Variants in CSMD1 observed in about 807,000 individuals in gnomAD.
CSMD1 encodes CUB and sushi domain-containing protein 1.
In CSMD1, 213 loss-of-function variants were observed where a neutral mutation model predicts 417.5. That is an observed-to-expected ratio of 0.51 (90% confidence interval 0.46 to 0.57). CSMD1 has a LOEUF of 0.57. Among genes scored for constraint, CSMD1 ranks in the 20% least tolerant of loss-of-function variants. CSMD1 has a pLI of 0.00. For synonymous variants in CSMD1, 2,862 were observed against 1,736.8 expected, an observed-to-expected ratio of 1.65 and a Z score of -16.11; for missense variants, 6,923 against 4,529.7, an observed-to-expected ratio of 1.53 and a Z score of -15.17.
chr8:3,993,221 A>C (rs138459057), intron 5 of CSMD1, among the ~76,000 whole-genome samples: 181 of 152,300 alleles, frequency 1.2e-3, no homozygotes, highest in Non-Finnish European at 2.1e-3. Context: ...AGTGCTGCAA[A>C]TTTTCTGTAA....
intron 1 of CSMD1, among the ~76,000 whole-genome samples, chr8:4,788,809 T>C (rs923474796): frequency 1.3e-5 from 2 of 152,206 alleles, no homozygotes; most frequent in Admixed American, 6.5e-5. Flanking sequence ...TGACATCTGC[T>C]TTTGAAACAT....
At chr8:3,594,531 A>T (rs754969975) in intron 8 of CSMD1, among the ~76,000 whole-genome samples, 10 of 152,158 alleles carry the variant, frequency 6.6e-5, no homozygotes. Flanking sequence ...TTGTCCAGGA[A>T]TGTTTTTCAA....
chr8:4,581,759 C>T (rs1373207233), intron 2 of CSMD1, among the ~76,000 whole-genome samples: 1 of 152,180 alleles, frequency 6.6e-6, no homozygotes, highest in Non-Finnish European at 1.5e-5. Context: ...ACCAACAAGA[C>T]CATCTTGGCA....
intron 1 of CSMD1, among the ~76,000 whole-genome samples, chr8:4,900,039 G>A (rs570472434): frequency 3.3e-5 from 5 of 152,148 alleles, no homozygotes; most frequent in South Asian, 4.2e-4. Flanking sequence ...CTCAAAATAC[G>A]ACGTTTTTGC....
intron 26 of CSMD1, among the ~76,000 whole-genome samples, chr8:3,260,173 G>GA (rs1400077883): frequency 2.0e-5 from 3 of 152,068 alleles, no homozygotes; most frequent in African/African-American, 7.2e-5. Context: ...TAAGCAAATT[G>GA]AAAAAGTGCT....
chr8:3,611,400 T>C (rs1178950779), intron 8 of CSMD1, among the ~76,000 whole-genome samples: 1 of 152,204 alleles, frequency 6.6e-6, no homozygotes, highest in African/African-American at 2.4e-5. Context: ...GAGTTTTGAG[T>C]TGAGCTGGCT....
chr8:3,106,901 G>A (rs765063572), intron 45 of CSMD1: 4 of 324,718 alleles, frequency 1.2e-5, no homozygotes, highest in Non-Finnish European at 2.2e-5. Flanking sequence ...ATCCGTGTTG[G>A]TTTCCCTTCC....
chr8:3,815,905 A>C (rs1801343135), intron 5 of CSMD1, among the ~76,000 whole-genome samples: 1 of 152,194 alleles, frequency 6.6e-6, no homozygotes, highest in Non-Finnish European at 1.5e-5. Context: ...ATCAAGAGTA[A>C]ATAGAAAGAG....
intron 1 of CSMD1, among the ~76,000 whole-genome samples, chr8:4,883,435 A>G (rs927004205): frequency 2.0e-5 from 3 of 152,110 alleles, no homozygotes; most frequent in Admixed American, 2.0e-4. Context: ...CTCATTTTGA[A>G]CATTTTTATC....
At chr8:4,500,602 C>T (rs1299504090) in intron 2 of CSMD1, among the ~76,000 whole-genome samples, 2 of 151,980 alleles carry the variant, frequency 1.3e-5, no homozygotes, top group South Asian at 2.1e-4. Context: ...TAATGGCATT[C>T]GGGGAACTGG....
chr8:3,429,695 A>G (rs1245702710), intron 12 of CSMD1, among the ~76,000 whole-genome samples: 5 of 152,256 alleles, frequency 3.3e-5, no homozygotes, highest in Non-Finnish European at 7.3e-5. Context: ...TGCATAAAGT[A>G]TAACTTAATG....
chr8:4,624,767 G>C (rs1248750001), intron 2 of CSMD1, among the ~76,000 whole-genome samples: 1 of 152,136 alleles, frequency 6.6e-6, no homozygotes, highest in Non-Finnish European at 1.5e-5. Flanking sequence ...TGACTCCTGA[G>C]GGTATTCAAG....
At chr8:3,718,048 A>G (rs997715158) in intron 6 of CSMD1, among the ~76,000 whole-genome samples, 1 of 152,210 alleles carries the variant, frequency 6.6e-6, no homozygotes, top group African/African-American at 2.4e-5. Context: ...TAGTACATAA[A>G]AGAAAATGTT....
intron 1 of CSMD1, among the ~76,000 whole-genome samples, chr8:4,896,628 C>T (rs1396632264): frequency 2.0e-5 from 3 of 152,096 alleles, no homozygotes; most frequent in Non-Finnish European, 2.9e-5. Flanking sequence ...AGTGGAAAAA[C>T]AGAAACCACT....
chr8:4,409,654 T>G (rs1169007735), intron 3 of CSMD1, among the ~76,000 whole-genome samples: 1 of 151,266 alleles, frequency 6.6e-6, no homozygotes, highest in Non-Finnish European at 1.5e-5. Flanking sequence ...TTTTTTTTTT[T>G]TTTTTTTTAA....
At chr8:4,449,015 C>T (rs1334931402) in intron 2 of CSMD1, among the ~76,000 whole-genome samples, 3 of 152,102 alleles carry the variant, frequency 2.0e-5, no homozygotes, top group African/African-American at 2.4e-5. Context: ...TACTTGTGTG[C>T]GTTCAGCCTA....
rs1178740165 is a variant in CSMD1, at chr8:4,310,514, C to T, written c.415+109439G>A. Among the ~76,000 whole-genome samples, 4 of 104,454 alleles carry T rather than the reference C, an allele frequency of 3.8e-5. No homozygotes were observed. In the South Asian group the frequency reaches 1.1e-3, roughly 30 times the overall value. 68.5% of individuals were successfully genotyped at this position (104,454 alleles called of 152,430 possible). A position where few individuals can be genotyped will look rare whatever the true frequency, so the allele number is the denominator to read the frequency against. On this transcript the variant is annotated intron_variant, in intron 3 of 69. Coordinates refer to ENST00000635120, the MANE Select transcript of CSMD1 (RefSeq NM_033225.6). ...TTAATTTGAAACTTCTTTTCTTCCA[C>T]ATTAAATAAAATATCTTTGGACACA... is the stretch of plus-strand genomic sequence containing the variant.
At chr8:4,014,503 T>C (rs1381790002) in intron 4 of CSMD1, among the ~76,000 whole-genome samples, 3 of 152,202 alleles carry the variant, frequency 2.0e-5, no homozygotes, top group Non-Finnish European at 4.4e-5. Context: ...TTGATGTCTG[T>C]TCCCCCTTAC....
At position 4,128,940 on chromosome 8, in the gene CSMD1, G is replaced by C. The variant is rs144484869; in HGVS notation, c.416-96841C>G. Among the ~76,000 whole-genome samples the C allele has an allele frequency of 7.8e-3, 1,181 of 151,986 alleles. 6 individuals are homozygous for C. Among genetic ancestry groups the C allele is most frequent in the Non-Finnish European group, 0.012 (822 of 67,962 alleles). ...AGAATTCCTGTTTTAGCCGGGCATGGTGGCATGTGCCTGTAGTCCCAGCTA... is the reference window on the plus strand; with the variant it reads ...AGAATTCCTGTTTTAGCCGGGCATGCTGGCATGTGCCTGTAGTCCCAGCTA... On this transcript the variant is annotated intron_variant, in intron 3 of 69. Transcript: ENST00000635120.
Sources: gnomAD v4.1 joint callset for allele counts (sites outside exome capture counted in the v4.1 genomes callset) on GRCh38, gnomAD v4.1.1 for gene constraint, MANE v1.5 for transcripts, NCBI Gene and HGNC (gene_info 2026-07-23, HGNC 2026-07-21) for gene names.